The following SBF2 variants were observed in gnomAD, a reference collection of about 807,000 sequenced individuals.
SBF2 encodes myotubularin-related protein 13.
In SBF2, 112 loss-of-function variants were observed where a neutral mutation model predicts 225.2. That is an observed-to-expected ratio of 0.50 (90% CI 0.43 to 0.58). SBF2 has a LOEUF of 0.58. Ranked by LOEUF, SBF2 falls within the 20% of genes least tolerant of loss-of-function variation. The pLI is 0.00. For synonymous variants in SBF2, 763 were observed against 773.3 expected, an observed-to-expected ratio of 0.99 and a Z score of 0.22; for missense variants, 1,996 against 2,206.2, an observed-to-expected ratio of 0.90 and a Z score of 1.91.
At chr11:10,055,169 T>G (rs748487802) in intron 2 of SBF2, among the ~76,000 whole-genome samples, 1 of 152,098 alleles carries the variant, frequency 6.6e-6, no homozygotes, top group African/African-American at 2.4e-5. Context: ...CCCCAAGTGC[T>G]GAGATTACAG....
intron 2 of SBF2, among the ~76,000 whole-genome samples, chr11:10,183,560 G>C (rs1279370888): frequency 6.6e-6 from 1 of 152,154 alleles, no homozygotes; most frequent in African/African-American, 2.4e-5. Flanking sequence ...TTTACATTTA[G>C]ACTATGATCC....
Position 9,795,838 on chromosome 11 carries a change from TA to T in SBF2, c.4562del (p.Leu1521Ter). ...GGGCATACAGACACATACCGTGCTC[TA>T]ATCTTTCATAGTCTGAATCCAGGAG... ...TFLLDSDYERLEHGTLFDDKG... is the reference protein window; with the variant it reads ...TFLLDSDYERXEHGTLFDDKG... On this transcript the variant is annotated frameshift_variant, in exon 33 of 40. Transcript: ENST00000256190. LOFTEE classifies it high-confidence loss of function. The T allele has an allele frequency of 6.2e-7, 1 of 1,613,832 alleles. No homozygotes were observed. Among genetic ancestry groups the T allele is most frequent in the East Asian group, 2.2e-5 (1 of 44,872 alleles).
At position 9,853,547 on chromosome 11, in the gene SBF2, C is replaced by T. The variant is rs762490970; in HGVS notation, c.2529G>A (p.Met843Ile). The T allele has an allele frequency of 3.1e-6, 5 of 1,613,556 alleles. No individual in the cohort carries two copies. Among genetic ancestry groups the T allele is most frequent in the Non-Finnish European group, 4.2e-6 (5 of 1,179,676 alleles). Residue 843 changes from methionine (M) to isoleucine (I), a missense_variant, in exon 20 of 40, where the codon ATG becomes ATA. Coordinates refer to ENST00000256190, the MANE Select transcript of SBF2 (RefSeq NM_030962.4). ...TATCTGCAGAGTGATTACCTGGTATCATGCAATGAAGGCTCTTGATGTGAT... is the reference window on the plus strand; with the variant it reads ...TATCTGCAGAGTGATTACCTGGTATTATGCAATGAAGGCTCTTGATGTGAT... ...TQDHIKSLHC[M>I]IPGIVAMHIE...
intron 1 of SBF2, among the ~76,000 whole-genome samples, chr11:10,258,566 T>C (rs1961111895): frequency 2.0e-5 from 3 of 152,258 alleles, no homozygotes; most frequent in African/African-American, 7.2e-5. Flanking sequence ...ACCATCTTTT[T>C]CTTTGATAAT....
At chr11:10,234,899 T>C (rs1342707860) in intron 1 of SBF2, among the ~76,000 whole-genome samples, 1 of 152,164 alleles carries the variant, frequency 6.6e-6, no homozygotes, top group African/African-American at 2.4e-5. Context: ...GGCCAGGTGG[T>C]ACAGTATCTC....
At chr11:10,205,256 T>C (rs1957714296) in intron 1 of SBF2, among the ~76,000 whole-genome samples, 1 of 152,032 alleles carries the variant, frequency 6.6e-6, no homozygotes, top group Non-Finnish European at 1.5e-5. Context: ...ACCACTGCAT[T>C]TTACATTTTA....
rs1203047342 is a variant in SBF2 at position 9,785,212 on chromosome 11, T to C, written c.5144A>G (p.Gln1715Arg). 6.2e-7 allele frequency: 1 copy of C among 1,614,102 alleles called. No individual in the cohort carries two copies. Among genetic ancestry groups the C allele is most frequent in the East Asian group, 2.2e-5 (1 of 44,904 alleles). The change falls in exon 37 of 40, where the codon CAG (glutamine) becomes CGG (arginine). Residue 1715 changes from glutamine to arginine, a missense_variant. Gln to Arg is a conservative substitution (Grantham distance 43, BLOSUM62 1). Coordinates refer to ENST00000256190, the MANE Select transcript of SBF2 (RefSeq NM_030962.4). ...ATTGGATGGGGAGATGCTGGAATTC[T>C]GTTCCTCCCCCATGCTGCTGTCTGG... The part of the protein sequence containing the change: ...HLPDSSMGEE[Q>R]NSSISPSNGV...
At chr11:10,032,686 T>C (rs961207244) in intron 3 of SBF2, among the ~76,000 whole-genome samples, 1 of 152,354 alleles carries the variant, frequency 6.6e-6, no homozygotes, top group Admixed American at 6.5e-5. Context: ...ATTTCACTTA[T>C]CTTGTTTTTT....
intron 2 of SBF2, among the ~76,000 whole-genome samples, chr11:10,102,268 C>T (rs1307644353): frequency 6.6e-6 from 1 of 152,156 alleles, no homozygotes; most frequent in African/African-American, 2.4e-5. Flanking sequence ...AGCCTGGCTC[C>T]CCAGCTATGC....
At chr11:9,785,092 C>A (rs192770631) in intron 37 of SBF2, 33 bp downstream of exon 37, 2 of 1,607,944 alleles carry the variant, frequency 1.2e-6, no homozygotes, top group African/African-American at 2.7e-5. Context: ...GTGGGGAAGT[C>A]TTCAGCACAG....
chr11:9,931,429 T>G (rs1864492240), intron 16 of SBF2, among the ~76,000 whole-genome samples: 1 of 152,214 alleles, frequency 6.6e-6, no homozygotes, highest in African/African-American at 2.4e-5. Context: ...GCAGCAGTAT[T>G]TGCTGTTCTG....
chr11:9,853,787 C>T lies in SBF2; in HGVS notation c.2364-75G>A, dbSNP rs1857129299. Reference sequence around the variant, plus strand: ...TGACTACTATATAGTAGTCAATTTACATAGCGACAGAAACATGAGCAAAGT... The same window carrying T: ...TGACTACTATATAGTAGTCAATTTATATAGCGACAGAAACATGAGCAAAGT... On this transcript the variant is annotated intron_variant, in intron 19 of 39. Coordinates refer to ENST00000256190, the MANE Select transcript of SBF2 (RefSeq NM_030962.4). The T allele has an allele frequency of 6.7e-6, 9 of 1,345,012 alleles. No homozygotes were observed. In the South Asian group the frequency reaches 9.4e-5, roughly 14 times the overall value. The allele number at this position is 1,345,012 out of a possible 1,614,324, so 83.3% of individuals were successfully genotyped here.
At chr11:9,834,581 T>C (rs1381729398) in intron 26 of SBF2, among the ~76,000 whole-genome samples, 4 of 152,180 alleles carry the variant, frequency 2.6e-5, no homozygotes, top group Non-Finnish European at 5.9e-5. Context: ...ACTTAACCAA[T>C]GATAACTTGG....
chr11:10,259,436 T>C (rs1961213875), intron 1 of SBF2, among the ~76,000 whole-genome samples: 1 of 152,214 alleles, frequency 6.6e-6, no homozygotes, highest in South Asian at 2.1e-4. Context: ...ATGCATTTCT[T>C]TTCTCTCACT....
intron 6 of SBF2, among the ~76,000 whole-genome samples, chr11:10,009,844 A>G (rs1052620212): frequency 4.6e-5 from 7 of 151,302 alleles, no homozygotes; most frequent in Non-Finnish European, 8.9e-5. Context: ...GTCTTCCACA[A>G]TGGTTGAACT....
At chr11:9,872,092 G>T (rs530479389) in intron 17 of SBF2, among the ~76,000 whole-genome samples, 1 of 152,282 alleles carries the variant, frequency 6.6e-6, no homozygotes, top group South Asian at 2.1e-4. Context: ...ACGATAGACT[G>T]AATAAAGAAA....
At chr11:10,027,830 G>T (rs1055897707) in intron 6 of SBF2, among the ~76,000 whole-genome samples, 1 of 152,216 alleles carries the variant, frequency 6.6e-6, no homozygotes, top group East Asian at 1.9e-4. Context: ...ATGGTGGGAT[G>T]AGAAGAATGA....
At chr11:10,223,005 T>C (rs1565370810) in intron 1 of SBF2, among the ~76,000 whole-genome samples, 2 of 152,148 alleles carry the variant, frequency 1.3e-5, no homozygotes, top group African/African-American at 2.4e-5. Flanking sequence ...TAGATCTCTA[T>C]ATTTAGGCCA....
chr11:10,017,262 A>G (rs1184011077), intron 6 of SBF2, among the ~76,000 whole-genome samples: 4 of 152,244 alleles, frequency 2.6e-5, no homozygotes, highest in African/African-American at 9.6e-5. Flanking sequence ...ACACAAATAG[A>G]AGACTATGTC....
Sources: gnomAD v4.1 joint callset for allele counts (sites outside exome capture counted in the v4.1 genomes callset) on GRCh38, gnomAD v4.1.1 for gene constraint, MANE v1.5 for transcripts, NCBI Gene and HGNC (gene_info 2026-07-23, HGNC 2026-07-21) for gene names.